Variants in CDH18 observed in about 807,000 individuals in gnomAD.
CDH18 encodes cadherin 18.
CDH18 carries 31 observed loss-of-function variants against 67.9 expected under a neutral mutation model. That is an observed-to-expected ratio of 0.46 (90% CI 0.34 to 0.62). The LOEUF is 0.62. Ranked by LOEUF, CDH18 falls within the 20% of genes least tolerant of loss-of-function variation. The pLI, the probability that CDH18 is intolerant of heterozygous loss-of-function variation, is 0.01. For missense variants in CDH18, 890 were observed against 975.5 expected (o/e 0.91, Z 1.17); for synonymous variants, 362 against 347.2 (o/e 1.04, Z -0.48).
At chr5:20,407,887 A>T (rs542778560) in intron 1 of CDH18, among the ~76,000 whole-genome samples, 125 of 152,188 alleles carry the variant, frequency 8.2e-4, no homozygotes, top group African/African-American at 2.9e-3. Context: ...GAAGAAATGA[A>T]CATCTAATTC....
chr5:20,046,147 G>C (rs1412031303), intron 2 of CDH18, among the ~76,000 whole-genome samples: 1 of 151,980 alleles, frequency 6.6e-6, no homozygotes, highest in African/African-American at 2.4e-5. Context: ...ATGGATGATA[G>C]CTGTGGCAAT....
intron 1 of CDH18, among the ~76,000 whole-genome samples, chr5:20,496,386 A>C (rs1379116583): frequency 6.6e-6 from 1 of 152,198 alleles, no homozygotes; most frequent in East Asian, 1.9e-4. Flanking sequence ...TAAAATATTC[A>C]TGATTTTTAG....
At chr5:19,637,540 T>TGA (rs1328558799) in intron 5 of CDH18, among the ~76,000 whole-genome samples, 2 of 152,182 alleles carry the variant, frequency 1.3e-5, no homozygotes, top group African/African-American at 4.8e-5. Flanking sequence ...AACTAGCCAA[T>TGA]GATTTTGGGC....
rs774394626 is a variant in CDH18, at chr5:19,611,946, ATGCG to A, written c.811+484_811+487del. Among the ~76,000 whole-genome samples the A allele has an allele frequency of 3.5e-3, 192 of 54,422 alleles. 1 individual carries two copies. The highest frequency in any genetic ancestry group is 5.6e-3 in the Non-Finnish European group (132 of 23,580). 35.7% of individuals were successfully genotyped at this position (54,422 alleles called of 152,430 possible). A position where few individuals can be genotyped will look rare whatever the true frequency, so the allele number is the denominator to read the frequency against. On this transcript the variant is annotated intron_variant, in intron 6 of 12. Transcript: ENST00000382275. ...ATTAACTTCAACTTGCTTTTGGATG[ATGCG>A]TGTGTGTGTGTGTGTGTGTGTGTGT... is the stretch of plus-strand genomic sequence containing the variant.
chr5:20,011,340 T>G (rs1354104732), intron 2 of CDH18, among the ~76,000 whole-genome samples: 1 of 152,176 alleles, frequency 6.6e-6, no homozygotes. Context: ...CTTATCAGCT[T>G]AAGAAGCTTT....
chr5:19,899,436 T>C (rs914885906), intron 2 of CDH18, among the ~76,000 whole-genome samples: 3 of 151,952 alleles, frequency 2.0e-5, no homozygotes, highest in African/African-American at 7.3e-5. Context: ...ACATCTATTA[T>C]GATAATTATT....
intron 1 of CDH18, among the ~76,000 whole-genome samples, chr5:20,533,694 T>C (rs1023431776): frequency 6.6e-6 from 1 of 152,130 alleles, no homozygotes; most frequent in African/African-American, 2.4e-5. Flanking sequence ...TATCTCCTTT[T>C]CTGGAATAGT....
At chr5:20,082,125 C>T (rs532948111) in intron 2 of CDH18, among the ~76,000 whole-genome samples, 94 of 151,346 alleles carry the variant, frequency 6.2e-4, no homozygotes, top group Non-Finnish European at 1.0e-3. Flanking sequence ...TTTCTCCAAC[C>T]GATGCATTCA....
At chr5:19,722,396 T>C (rs1339730752) in intron 4 of CDH18, among the ~76,000 whole-genome samples, 5 of 151,624 alleles carry the variant, frequency 3.3e-5, no homozygotes, top group Non-Finnish European at 7.4e-5. Flanking sequence ...TAGTGTCTTA[T>C]ACACAGTGCC....
intron 2 of CDH18, among the ~76,000 whole-genome samples, chr5:19,880,838 A>G (rs190314089): frequency 9.7e-4 from 148 of 152,310 alleles, no homozygotes; most frequent in African/African-American, 3.5e-3. Context: ...AACTTTCCAA[A>G]TAAAGATGCC....
At chr5:20,015,950 T>C (rs1331166346) in intron 2 of CDH18, among the ~76,000 whole-genome samples, 1 of 152,128 alleles carries the variant, frequency 6.6e-6, no homozygotes, top group Admixed American at 6.6e-5. Context: ...AATTAAAAGA[T>C]TTGTGGTTGT....
chr5:20,371,719 A>G (rs745362943), intron 1 of CDH18, among the ~76,000 whole-genome samples: 52 of 152,240 alleles, frequency 3.4e-4, no homozygotes, highest in Non-Finnish European at 6.6e-4. Context: ...GAGATAGTGC[A>G]GCACATGGAA....
chr5:20,353,704 C>T (rs1741387780), intron 1 of CDH18, among the ~76,000 whole-genome samples: 2 of 152,188 alleles, frequency 1.3e-5, no homozygotes, highest in African/African-American at 4.8e-5. Context: ...TCGCAGCAAT[C>T]AGCCATTACC....
intron 1 of CDH18, among the ~76,000 whole-genome samples, chr5:20,501,235 T>TTTAGC (rs1754228875): frequency 6.6e-6 from 1 of 151,670 alleles, no homozygotes; most frequent in African/African-American, 2.4e-5. Flanking sequence ...TAAATGTAAA[T>TTTAGC]AACTGTGGAA....
chr5:20,455,171 C>G (rs1750754497), intron 1 of CDH18, among the ~76,000 whole-genome samples: 1 of 151,946 alleles, frequency 6.6e-6, no homozygotes, highest in Non-Finnish European at 1.5e-5. Context: ...ATAATTGAAT[C>G]ATTAAGAACG....
intron 2 of CDH18, among the ~76,000 whole-genome samples, chr5:19,859,990 GT>G (rs1303084275): frequency 0.073 from 258 of 3,552 alleles, 1 homozygote; most frequent in African/African-American, 0.11. Context: ...TTTGCTTTGG[GT>G]GTGTGTGTGT....
At position 20,426,760 on chromosome 5, in the gene CDH18, T is replaced by C. The variant is rs927370062; in HGVS notation, c.-580+148702A>G. Among the ~76,000 whole-genome samples the C allele has an allele frequency of 1.3e-4, 19 of 151,210 alleles. 1 individual carries two copies. The highest frequency in any genetic ancestry group is 4.4e-4 in the African/African-American group (18 of 40,564). Reference sequence around the variant, plus strand: ...GCATTATTATTGAAACTTTTTCAAATAAAACTAAATTAAATAACAATATAA... The same window carrying C: ...GCATTATTATTGAAACTTTTTCAAACAAAACTAAATTAAATAACAATATAA... On this transcript the variant is annotated intron_variant, in intron 1 of 14. Coordinates refer to the CDH18 transcript ENST00000507958.
At chr5:19,892,634 C>A (rs998710606) in intron 2 of CDH18, among the ~76,000 whole-genome samples, 1 of 152,038 alleles carries the variant, frequency 6.6e-6, no homozygotes, top group African/African-American at 2.4e-5. Flanking sequence ...AGTGTGACTT[C>A]CAAAAACTCT....
intron 10 of CDH18, among the ~76,000 whole-genome samples, chr5:19,520,170 A>T (rs1035716520): frequency 6.6e-6 from 1 of 152,010 alleles, no homozygotes; most frequent in African/African-American, 2.4e-5. Context: ...CATGATCCAG[A>T]TCCATCTTCA....
Sources: gnomAD v4.1 joint callset for allele counts (sites outside exome capture counted in the v4.1 genomes callset) on GRCh38, gnomAD v4.1.1 for gene constraint, MANE v1.5 for transcripts, NCBI Gene and HGNC (gene_info 2026-07-23, HGNC 2026-07-21) for gene names.